SLC12A1: variants seen among roughly 807,000 people sequenced by gnomAD.
SLC12A1 encodes Na-K-2Cl cotransporter.
In SLC12A1, 89 loss-of-function variants were observed where a neutral mutation model predicts 130.4. That is an observed-to-expected ratio of 0.68 (90% CI 0.58 to 0.81). The LOEUF (loss-of-function observed/expected upper bound fraction) is 0.81, where lower values mean the gene tolerates loss of function less well. Among genes scored for constraint, SLC12A1 ranks in the 40% least tolerant of loss-of-function variants. The pLI is 0.00. For missense variants in SLC12A1, 1,310 were observed against 1,336.4 expected (o/e 0.98, Z 0.31); for synonymous variants, 499 against 460.0 (o/e 1.08, Z -1.09).
chr15:48,298,463 C>CATT (rs1179662263), intron 24 of SLC12A1, among the ~76,000 whole-genome samples: 1 of 152,160 alleles, frequency 6.6e-6, no homozygotes, highest in Non-Finnish European at 1.5e-5. Context: ...GGCATTAAAA[C>CATT]ATTATTGATT....
rs746910658 is a variant in SLC12A1 at position 48,299,173 on chromosome 15, T to G, written c.2994T>G (p.Tyr998Ter). Residue 998 changes from tyrosine (Y) to a stop codon, truncating the protein, a stop_gained, in exon 25 of 27, where the codon TAT (tyrosine) becomes TAG (stop). Coordinates refer to ENST00000380993, the MANE Select transcript of SLC12A1 (RefSeq NM_000338.3). LOFTEE classifies it high-confidence loss of function. ...TCTTTGAAGAGATGATTGAACCATA[T>G]CGTCTCCATGAAAGCTGCAAAGATT... Reference protein sequence around the residue: ...WKVFEEMIEPYRLHESCKDLT... With the variant: ...WKVFEEMIEP 6.2e-7 allele frequency: 1 copy of G among 1,607,048 alleles called. No individual in the cohort carries two copies. Among genetic ancestry groups the G allele is most frequent in the Non-Finnish European group, 8.5e-7 (1 of 1,178,098 alleles).
chr15:48,271,894 G>C (rs1302062867), intron 19 of SLC12A1, among the ~76,000 whole-genome samples: 3 of 152,186 alleles, frequency 2.0e-5, no homozygotes, highest in East Asian at 3.8e-4. Context: ...AGATTCTTCA[G>C]TAAAATTTCA....
intron 15 of SLC12A1, among the ~76,000 whole-genome samples, chr15:48,254,928 A>G (rs1202942588): frequency 1.3e-5 from 2 of 152,036 alleles, no homozygotes; most frequent in Admixed American, 6.6e-5. Context: ...CGTCTCAAAC[A>G]AAAAGAAAAA....
At chr15:48,210,221 T>C (rs745769632) in intron 2 of SLC12A1, among the ~76,000 whole-genome samples, 48 of 152,192 alleles carry the variant, frequency 3.2e-4, no homozygotes, top group Non-Finnish European at 6.3e-4. Flanking sequence ...GATATTTCAA[T>C]TGTTTCTGAA....
chr15:48,299,886 A>G (rs66823218), intron 25 of SLC12A1, among the ~76,000 whole-genome samples: 40,786 of 152,076 alleles, frequency 0.27, 6,296 homozygotes, highest in East Asian at 0.41. Flanking sequence ...TCAACAACTA[A>G]GTAGAAGAAT....
chr15:48,270,129 G>C (rs904185529), intron 19 of SLC12A1, among the ~76,000 whole-genome samples: 1 of 152,198 alleles, frequency 6.6e-6, no homozygotes, highest in Admixed American at 6.5e-5. Flanking sequence ...TTCAGTCATT[G>C]TCTTCTTCTG....
At chr15:48,263,645 G>GA (rs990320328) in intron 17 of SLC12A1, among the ~76,000 whole-genome samples, 16 of 151,042 alleles carry the variant, frequency 1.1e-4, no homozygotes, top group African/African-American at 2.2e-4. Context: ...CCTAAAAAAA[G>GA]AAAAAAAATT....
At chr15:48,282,303 T>A (rs1275505249) in intron 20 of SLC12A1, among the ~76,000 whole-genome samples, 2 of 152,176 alleles carry the variant, frequency 1.3e-5, no homozygotes, top group Admixed American at 6.5e-5. Context: ...CCTGCAATTT[T>A]GCAGCTTGCT....
Position 48,254,592 on chromosome 15 carries a change from T to TAAAAAAAAAAAAA in SLC12A1, c.1943-1193_1943-1181dup, listed in dbSNP as rs550686114. ...AAGATCCATTTAATACTTAAATTCG[T>TAAAAAAAAAAAAA]AAAAAAAAAAAAAAAAAAAAAAAAA... On this transcript the variant is annotated intron_variant, in intron 15 of 26. Transcript: ENST00000380993. 4.9e-4 allele frequency among the ~76,000 whole-genome samples: 26 copies of TAAAAAAAAAAAAA among 52,890 alleles called. 2 individuals are homozygous for TAAAAAAAAAAAAA. Among genetic ancestry groups the TAAAAAAAAAAAAA allele is most frequent in the Non-Finnish European group, 7.3e-4 (17 of 23,404 alleles). 34.7% of individuals were successfully genotyped at this position (52,890 alleles called of 152,430 possible).
chr15:48,278,195 G>A (rs1488410921), intron 20 of SLC12A1, among the ~76,000 whole-genome samples: 1 of 152,210 alleles, frequency 6.6e-6, no homozygotes, highest in African/African-American at 2.4e-5. Context: ...AGTGAGCCGA[G>A]ATCGCGCCAC....
chr15:48,266,306 T>G (rs1362728763), intron 17 of SLC12A1, among the ~76,000 whole-genome samples: 1 of 152,218 alleles, frequency 6.6e-6, no homozygotes, highest in Non-Finnish European at 1.5e-5. Flanking sequence ...CTAGGTACTT[T>G]ATTATTACTA....
rs199954861 is a variant in SLC12A1 at position 48,274,281 on chromosome 15, G to T, written c.2403-290G>T. ...GTTTTGCTCACTGTATAAAAGATTC[G>T]ATTATTTTTAAAAGATGCAACAAGC... is the stretch of plus-strand genomic sequence containing the variant. On this transcript the variant is annotated intron_variant, in intron 19 of 26. Transcript: ENST00000380993. Among the ~76,000 whole-genome samples the T allele has an allele frequency of 2.6e-5, 4 of 152,192 alleles. No homozygotes were observed. The East Asian group carries it at 7.7e-4, about 29-fold the overall frequency.
intron 17 of SLC12A1, among the ~76,000 whole-genome samples, chr15:48,265,735 G>GA (rs1182129432): frequency 1.3e-5 from 2 of 151,906 alleles, no homozygotes; most frequent in Non-Finnish European, 2.9e-5. Flanking sequence ...AAATATGCTG[G>GA]AAAAAATAAG....
intron 22 of SLC12A1, 97 bp from the exon 23 acceptor site, chr15:48,288,308 T>C (rs2141114982): frequency 9.0e-7 from 1 of 1,112,556 alleles, no homozygotes; most frequent in South Asian, 1.5e-5. Flanking sequence ...ATAACTTAAT[T>C]AAGAGCTATC....
In SLC12A1 at chr15:48,232,598, T is replaced by A. The variant is rs555019082; in HGVS notation, c.976-129T>A. ...TAATAAGGATGCATGTATTACCTACTCTGGGTAGCAGAGACTTAACTGAAA... is the reference window on the plus strand; with the variant it reads ...TAATAAGGATGCATGTATTACCTACACTGGGTAGCAGAGACTTAACTGAAA... On this transcript the variant is annotated intron_variant, in intron 7 of 26. Coordinates refer to ENST00000380993, the MANE Select transcript of SLC12A1 (RefSeq NM_000338.3). 5.7e-6 allele frequency: 4 copies of A among 702,452 alleles called. No individual in the cohort carries two copies. The East Asian group carries it at 1.1e-4, about 19-fold the overall frequency. 43.5% of individuals were successfully genotyped at this position (702,452 alleles called of 1,614,324 possible). A position where few individuals can be genotyped will look rare whatever the true frequency, so the allele number is the denominator to read the frequency against.
chr15:48,275,463 C>T (rs972806541), intron 20 of SLC12A1, among the ~76,000 whole-genome samples: 1 of 152,054 alleles, frequency 6.6e-6, no homozygotes, highest in Non-Finnish European at 1.5e-5. Context: ...CAATTATTAG[C>T]ATTATAATAG....
chr15:48,257,473 A>G (rs757441086), intron 16 of SLC12A1, among the ~76,000 whole-genome samples: 22 of 152,070 alleles, frequency 1.4e-4, no homozygotes, highest in Non-Finnish European at 2.4e-4. Flanking sequence ...CCTGCAGCAC[A>G]CCTCTGCCTG....
intron 4 of SLC12A1, chr15:48,223,143 T>A (rs983656377): frequency 3.3e-5 from 5 of 152,232 alleles, no homozygotes; most frequent in Non-Finnish European, 7.3e-5. Flanking sequence ...TCCTACCCAA[T>A]GAATTCTTTG....
At chr15:48,250,084 A>G (rs1485509494) in intron 14 of SLC12A1, among the ~76,000 whole-genome samples, 1 of 152,224 alleles carries the variant, frequency 6.6e-6, no homozygotes. Flanking sequence ...AGTAGTTCCC[A>G]TAATTACCTG....
Sources: gnomAD v4.1 joint callset for allele counts (sites outside exome capture counted in the v4.1 genomes callset) on GRCh38, gnomAD v4.1.1 for gene constraint, MANE v1.5 for transcripts, NCBI Gene and HGNC (gene_info 2026-07-23, HGNC 2026-07-21) for gene names.